PRKG1: variants seen among roughly 807,000 people sequenced by gnomAD.
PRKG1 encodes protein kinase cGMP-dependent 1, also known as cGMP-dependent protein kinase 1.
A neutral mutation model predicts 88.1 loss-of-function variants in PRKG1; 35 were observed. The observed-to-expected ratio is 0.40, with a 90% confidence interval of 0.30 to 0.53. The LOEUF is 0.53. Among genes scored for constraint, PRKG1 ranks in the 20% least tolerant of loss-of-function variants. The pLI is 0.59. For synonymous variants in PRKG1, 303 were observed against 292.5 expected (o/e 1.04, Z -0.37); for missense variants, 540 against 839.8 (o/e 0.64, Z 4.41).
chr10:51,228,445 C>T (rs993137123), intron 2 of PRKG1, among the ~76,000 whole-genome samples: 1 of 152,174 alleles, frequency 6.6e-6, no homozygotes, highest in Non-Finnish European at 1.5e-5. Context: ...TCAGCATTTG[C>T]AGCTAAGTTG....
chr10:50,997,095 G>A (rs765820274), intron 1 of PRKG1, among the ~76,000 whole-genome samples: 7 of 152,158 alleles, frequency 4.6e-5, no homozygotes, highest in Non-Finnish European at 1.0e-4. Flanking sequence ...TTTTAGTGAT[G>A]AGAAAACTGA....
chr10:51,087,467 G>T (rs995666657), intron 1 of PRKG1, among the ~76,000 whole-genome samples: 2 of 152,100 alleles, frequency 1.3e-5, no homozygotes, highest in African/African-American at 4.8e-5. Context: ...TAGACAACTT[G>T]CCCAAAACAA....
intron 8 of PRKG1, among the ~76,000 whole-genome samples, chr10:52,160,902 T>G (rs1838260450): frequency 6.6e-6 from 1 of 152,186 alleles, no homozygotes; most frequent in Non-Finnish European, 1.5e-5. Context: ...TTGAAAAACC[T>G]CATTGGAACT....
At chr10:51,023,908 T>C (rs182746952) in intron 1 of PRKG1, among the ~76,000 whole-genome samples, 2 of 152,344 alleles carry the variant, frequency 1.3e-5, no homozygotes, top group Admixed American at 6.5e-5. Context: ...GAGATTCTGA[T>C]ATTCCAAAGA....
chr10:51,554,866 T>A (rs948340087), intron 3 of PRKG1, among the ~76,000 whole-genome samples: 3 of 150,140 alleles, frequency 2.0e-5, no homozygotes, highest in African/African-American at 7.5e-5. Flanking sequence ...TCAAAAAAAT[T>A]TTTTTTAATA....
At chr10:51,897,733 G>C (rs537008115) in intron 4 of PRKG1, among the ~76,000 whole-genome samples, 1 of 152,162 alleles carries the variant, frequency 6.6e-6, no homozygotes, top group Non-Finnish European at 1.5e-5. Flanking sequence ...ACAGAGCCCA[G>C]CTGCTCCTCA....
intron 4 of PRKG1, among the ~76,000 whole-genome samples, chr10:51,808,878 G>A (rs917947985): frequency 1.3e-5 from 2 of 152,050 alleles, no homozygotes; most frequent in African/African-American, 4.8e-5. Flanking sequence ...TTTTCGGTAG[G>A]GGTCTCTGTT....
At chr10:52,035,487 T>G (rs576464135) in intron 5 of PRKG1, among the ~76,000 whole-genome samples, 35 of 152,258 alleles carry the variant, frequency 2.3e-4, no homozygotes, top group African/African-American at 6.0e-4. Context: ...TGGTGTGTGG[T>G]GATTAGGCCT....
intron 2 of PRKG1, among the ~76,000 whole-genome samples, chr10:51,441,031 C>G (rs1449922854): frequency 6.6e-6 from 1 of 151,910 alleles, no homozygotes; most frequent in African/African-American, 2.4e-5. Flanking sequence ...AAATGAAAGC[C>G]AACATTGGTT....
At chr10:51,857,365 C>A (rs570465648) in intron 4 of PRKG1, among the ~76,000 whole-genome samples, 160 of 152,288 alleles carry the variant, frequency 1.1e-3, no homozygotes, top group African/African-American at 3.5e-3. Context: ...GTATGTGTTA[C>A]TATTTTCAAA....
intron 2 of PRKG1, among the ~76,000 whole-genome samples, chr10:51,340,636 C>T (rs1841983781): frequency 6.6e-6 from 1 of 152,172 alleles, no homozygotes; most frequent in Admixed American, 6.5e-5. Flanking sequence ...CATCAAATCA[C>T]TCCTAAGCCA....
At chr10:51,743,052 A>AAGAG (rs373318408) in intron 3 of PRKG1, among the ~76,000 whole-genome samples, 1 of 151,590 alleles carries the variant, frequency 6.6e-6, no homozygotes, top group Non-Finnish European at 1.5e-5. Flanking sequence ...TAAAATTAAA[A>AAGAG]AGAGAGAGAG....
chr10:51,871,279 G>C (rs1202680573), intron 4 of PRKG1, among the ~76,000 whole-genome samples: 1 of 152,176 alleles, frequency 6.6e-6, no homozygotes, highest in East Asian at 1.9e-4. Flanking sequence ...GTCACTGTTA[G>C]TAGAGTTTTA....
intron 3 of PRKG1, among the ~76,000 whole-genome samples, chr10:51,749,832 A>G (rs1473584572): frequency 6.6e-6 from 1 of 152,152 alleles, no homozygotes; most frequent in African/African-American, 2.4e-5. Context: ...CCAGCATTTA[A>G]TAAGGTTTAT....
intron 4 of PRKG1, among the ~76,000 whole-genome samples, chr10:51,858,033 G>A (rs1416770568): frequency 7.3e-6 from 1 of 136,840 alleles, no homozygotes; most frequent in East Asian, 2.0e-4. Flanking sequence ...GGAAAATCCA[G>A]ATTTAATGGC....
At chr10:51,236,994 TCCTG>T (rs1319967221) in intron 2 of PRKG1, among the ~76,000 whole-genome samples, 1 of 152,208 alleles carries the variant, frequency 6.6e-6, no homozygotes, top group Non-Finnish European at 1.5e-5. Context: ...TAATCAGACT[TCCTG>T]TTTTGCTCAG....
At chr10:52,125,250 C>T (rs570085427) in intron 7 of PRKG1, among the ~76,000 whole-genome samples, 2 of 152,218 alleles carry the variant, frequency 1.3e-5, no homozygotes, top group South Asian at 4.1e-4. Flanking sequence ...CCATTAGAAT[C>T]ATGGGACTAT....
intron 9 of PRKG1, among the ~76,000 whole-genome samples, chr10:52,173,988 C>A (rs554885292): frequency 2.2e-4 from 33 of 152,108 alleles, no homozygotes; most frequent in Non-Finnish European, 3.7e-4. Flanking sequence ...AAATTTGGTT[C>A]AGCCCAGTAT....
intron 3 of PRKG1, among the ~76,000 whole-genome samples, chr10:51,730,180 G>A (rs1384444329): frequency 5.3e-5 from 8 of 152,116 alleles, no homozygotes; most frequent in Admixed American, 3.9e-4. Context: ...TGGAGCTGAT[G>A]CTCCAGAGGC....
Sources: gnomAD v4.1 joint callset for allele counts (sites outside exome capture counted in the v4.1 genomes callset) on GRCh38, gnomAD v4.1.1 for gene constraint, MANE v1.5 for transcripts, NCBI Gene and HGNC (gene_info 2026-07-23, HGNC 2026-07-21) for gene names.